SMAD4: variants seen among roughly 807,000 people sequenced by gnomAD.
The protein encoded by SMAD4 is SMAD family member 4, also known as MAD homolog 4.
In SMAD4, 7 loss-of-function variants were observed where a neutral mutation model predicts 63.2. That is an observed-to-expected ratio of 0.11 (90% CI 0.06 to 0.21). The LOEUF (loss-of-function observed/expected upper bound fraction) is 0.21. Ranked by LOEUF, SMAD4 falls within the 10% of genes least tolerant of loss-of-function variation. The pLI is 1.00. For missense variants in SMAD4, 312 were observed against 693.8 expected (o/e 0.45, Z 6.18); for synonymous variants, 215 against 235.4 (o/e 0.91, Z 0.79).
At chr18:51,057,753 C>T (rs553157249) in intron 5 of SMAD4, among the ~76,000 whole-genome samples, 1 of 152,218 alleles carries the variant, frequency 6.6e-6, no homozygotes, top group East Asian at 1.9e-4. Flanking sequence ...TTTTGGGGTC[C>T]TAATCAGAAA....
At position 51,040,499 on chromosome 18, in the gene SMAD4, T is replaced by A. The variant is rs527318292; in HGVS notation, c.-127-6421T>A. On this transcript the variant is annotated intron_variant, in intron 1 of 11. Transcript: ENST00000342988. ...GTTTATTGATCACTGATCAAAACACTTACAACTTCTAGAAAATACATGTTT... is the reference window on the plus strand; with the variant it reads ...GTTTATTGATCACTGATCAAAACACATACAACTTCTAGAAAATACATGTTT... 9.9e-5 allele frequency among the ~76,000 whole-genome samples: 15 copies of A among 152,272 alleles called. No homozygotes were observed. In the South Asian group the frequency reaches 3.1e-3, roughly 32 times the overall value.
intron 1 of SMAD4, among the ~76,000 whole-genome samples, chr18:51,046,002 G>A (rs74357720): frequency 0.011 from 1,649 of 152,106 alleles, 36 homozygotes; most frequent in African/African-American, 0.037. Flanking sequence ...TTCGTTGTAT[G>A]GAATTTTATC....
chr18:51,067,198 A>C lies in SMAD4; in HGVS notation c.1308+11A>C, dbSNP rs773719398. The stretch of plus-strand genomic sequence containing the variant: ...AGTGCATATATAAAGGTTAGTTACA[A>C]TTTTATTTGAATATTTTAGACTTAA... On this transcript the variant is annotated intron_variant, in intron 10 of 11. Coordinates refer to ENST00000342988, the MANE Select transcript of SMAD4 (RefSeq NM_005359.6). 1 of 1,473,632 alleles carries C rather than the reference A, an allele frequency of 6.8e-7. No individual in the cohort carries two copies. Among genetic ancestry groups the C allele is most frequent in the Admixed American group, 1.7e-5 (1 of 59,436 alleles). The allele number at this position is 1,473,632 out of a possible 1,614,324, so 91.3% of individuals were successfully genotyped here. A position where few individuals can be genotyped will look rare whatever the true frequency, so the allele number is the denominator to read the frequency against.
intron 10 of SMAD4, among the ~76,000 whole-genome samples, chr18:51,068,279 A>T (rs988057102): frequency 6.6e-6 from 1 of 152,192 alleles, no homozygotes; most frequent in African/African-American, 2.4e-5. Context: ...TGTACCTATC[A>T]TCCAGCTGCA....
chr18:51,058,510 T>G, intron 7 of SMAD4, 54 bp downstream of exon 7: 4 of 1,108,120 alleles, frequency 3.6e-6, no homozygotes, highest in Non-Finnish European at 5.4e-6. Context: ...TTGGTAGGGC[T>G]TTGTTTTCTG....
chr18:51,036,536 C>T (rs1008924833), intron 1 of SMAD4, among the ~76,000 whole-genome samples: 4 of 152,094 alleles, frequency 2.6e-5, no homozygotes, highest in Non-Finnish European at 4.4e-5. Context: ...AATATGCCTA[C>T]TAAAACTAGT....
chr18:51,054,817 A>G lies in SMAD4; in HGVS notation c.491A>G (p.His164Arg), dbSNP rs876660058. The G allele has an allele frequency of 6.2e-7, 1 of 1,613,840 alleles. No homozygotes were observed. The highest frequency in any genetic ancestry group is 1.3e-5 in the African/African-American group (1 of 74,940). ...SSMMVKDEYV[H>R]DFEGQPSLST... Reference sequence around the variant, plus strand: ...ATGATGGTGAAGGATGAATATGTGCATGACTTTGAGGGACAGCCATCGTTG... The same window carrying G: ...ATGATGGTGAAGGATGAATATGTGCGTGACTTTGAGGGACAGCCATCGTTG... The change falls in exon 5 of 12, where the codon CAT (histidine) becomes CGT (arginine). Residue 164 changes from histidine (H) to arginine (R), a missense_variant. Around this residue, in one of 4 missense-constraint regions of SMAD4, gnomAD observed 169 missense variants for 211.0 expected, o/e 0.80. Coordinates refer to ENST00000342988, the MANE Select transcript of SMAD4 (RefSeq NM_005359.6).
chr18:51,069,097 T>C (rs1428516428), intron 10 of SMAD4, among the ~76,000 whole-genome samples: 1 of 152,146 alleles, frequency 6.6e-6, no homozygotes, highest in Non-Finnish European at 1.5e-5. Context: ...ACAAGTAATT[T>C]CTGTATTGGT....
At chr18:51,069,550 A>T (rs76096739) in intron 10 of SMAD4, among the ~76,000 whole-genome samples, 2 of 152,054 alleles carry the variant, frequency 1.3e-5, no homozygotes, top group African/African-American at 4.8e-5. Context: ...GCTTCACCCT[A>T]TGTGGCAATT....
At position 51,059,980 on chromosome 18, in the gene SMAD4, A is replaced by C. The variant is rs963244102; in HGVS notation, c.955+64A>C. The C allele has an allele frequency of 2.1e-5, 26 of 1,209,366 alleles. No individual in the cohort carries two copies. In the East Asian group the frequency reaches 4.7e-4, roughly 22 times the overall value. 74.9% of individuals were successfully genotyped at this position (1,209,366 alleles called of 1,614,324 possible). A position where few individuals can be genotyped will look rare whatever the true frequency, so the allele number is the denominator to read the frequency against. ...GATTTAGTGGTGATTGAAACGCACA[A>C]ACACAGGCTTTAATGGAATTATGGG... On this transcript the variant is annotated intron_variant, in intron 8 of 11. Transcript: ENST00000342988.
At chr18:51,042,336 C>CCTCTCTCT in intron 1 of SMAD4, among the ~76,000 whole-genome samples, 1 of 117,594 alleles carries the variant, frequency 8.5e-6, no homozygotes, top group South Asian at 3.1e-4. Flanking sequence ...TCCCTCTCTC[C>CCTCTCTCT]CTCTCTCTTT....
At chr18:51,031,156 T>C (rs1221687453) in intron 1 of SMAD4, among the ~76,000 whole-genome samples, 1 of 152,200 alleles carries the variant, frequency 6.6e-6, no homozygotes, top group Non-Finnish European at 1.5e-5. Flanking sequence ...CAGGACACAT[T>C]CTTAGCACCT....
chr18:51,048,446 C>A (rs905796634), intron 2 of SMAD4, among the ~76,000 whole-genome samples: 3 of 152,246 alleles, frequency 2.0e-5, no homozygotes, highest in Non-Finnish European at 2.9e-5. Flanking sequence ...GTGTGAGCCA[C>A]CATGCCCAGT....
At chr18:51,069,831 T>C (rs2144459367) in intron 10 of SMAD4, among the ~76,000 whole-genome samples, 1 of 152,352 alleles carries the variant, frequency 6.6e-6, no homozygotes, top group Admixed American at 6.5e-5. Context: ...GGCTGTTGTC[T>C]CTCTCCATAT....
intron 10 of SMAD4, among the ~76,000 whole-genome samples, chr18:51,070,941 A>G (rs1445275936): frequency 6.6e-6 from 1 of 152,170 alleles, no homozygotes. Flanking sequence ...ATCTCTTACT[A>G]TGCCTAATTT....
intron 1 of SMAD4, among the ~76,000 whole-genome samples, chr18:51,042,301 TTCCCTCCCTCCCTCCC>T (rs1160836350): frequency 2.6e-4 from 16 of 60,742 alleles, no homozygotes; most frequent in East Asian, 1.4e-3. Flanking sequence ...CCCTCCCTCC[TTCCCTCCCTCCCTCCC>T]TCCCTCCCTC....
Position 51,078,497 on chromosome 18 carries a change from A to C in SMAD4, c.*30A>C, listed in dbSNP as rs767288576. On this transcript the variant is annotated 3_prime_UTR_variant, in exon 12 of 12. Transcript: ENST00000342988. ...TTTTACCGTTGGGGCCCTTAACCTT[A>C]TCAGGATGGTGGACTACAAAATACA... 4 of 1,443,446 alleles carry C rather than the reference A, an allele frequency of 2.8e-6. No homozygotes were observed. In the Admixed American group the frequency reaches 5.1e-5, roughly 18 times the overall value. The allele number at this position is 1,443,446 out of a possible 1,614,324, so 89.4% of individuals were successfully genotyped here.
Position 51,059,771 on chromosome 18 carries a change from C to A in SMAD4, c.905-95C>A. 4 of 912,418 alleles carry A rather than the reference C, an allele frequency of 4.4e-6. No individual in the cohort carries two copies. The South Asian group carries it at 5.4e-5, about 12-fold the overall frequency. 56.5% of individuals were successfully genotyped at this position (912,418 alleles called of 1,614,324 possible). ...AAGCTTGTTTTAAACAATTCCTAAC[C>A]TATAATAGTTATATTTAAGTAAGAT... On this transcript the variant is annotated intron_variant, in intron 7 of 11. Coordinates refer to ENST00000342988, the MANE Select transcript of SMAD4 (RefSeq NM_005359.6).
At chr18:51,073,374 TATATATATATATATACACAC>T (rs1294779712) in intron 10 of SMAD4, among the ~76,000 whole-genome samples, 4 of 81,322 alleles carry the variant, frequency 4.9e-5, no homozygotes, top group Non-Finnish European at 7.4e-5. Context: ...TATATATATA[TATATATATATATATACACAC>T]ACACACACAC....
Sources: allele counts gnomAD v4.1 joint callset (sites outside exome capture counted in the v4.1 genomes callset), GRCh38; gene constraint gnomAD v4.1.1; regional missense constraint gnomAD v4.1.1; transcripts MANE v1.5; gene names NCBI Gene and HGNC (gene_info 2026-07-23, HGNC 2026-07-21).